SNRK: variants seen among roughly 807,000 people sequenced by gnomAD.
SNRK encodes the protein SNF-related serine/threonine-protein kinase.
Under a neutral mutation model 48.2 loss-of-function variants are expected in SNRK, and 3 were observed. The observed-to-expected ratio is 0.06, with a 90% CI of 0.03 to 0.16. SNRK has a LOEUF of 0.16. SNRK is among the 10% of genes least tolerant of loss of function. SNRK has a pLI of 1.00. For missense variants in SNRK, 627 were observed against 976.0 expected (o/e 0.64, Z 4.76); for synonymous variants, 376 against 366.1 (o/e 1.03, Z -0.31).
chr3:43,317,168 T>C (rs558042610), intron 3 of SNRK, among the ~76,000 whole-genome samples: 102 of 152,320 alleles, frequency 6.7e-4, no homozygotes, highest in African/African-American at 8.9e-4. Context: ...GCAGAACTCA[T>C]ACGCTGAATC....
At chr3:43,302,521 A>G (rs1383684375) in intron 2 of SNRK, among the ~76,000 whole-genome samples, 1 of 152,144 alleles carries the variant, frequency 6.6e-6, no homozygotes, top group East Asian at 1.9e-4. Context: ...GAGATGGTGT[A>G]CCCAAATACC....
intron 3 of SNRK, among the ~76,000 whole-genome samples, chr3:43,304,657 A>G (rs1053056447): frequency 3.9e-5 from 6 of 152,162 alleles, no homozygotes; most frequent in Admixed American, 6.5e-5. Context: ...TAATTTGTTA[A>G]TCTTGGAAAA....
chr3:43,316,107 T>G (rs1250571404), intron 3 of SNRK, among the ~76,000 whole-genome samples: 2 of 152,104 alleles, frequency 1.3e-5, no homozygotes, highest in African/African-American at 4.8e-5. Flanking sequence ...TATAGGTGGG[T>G]TTTTCAGTCA....
chr3:43,341,846 A>G (rs1249068134), intron 5 of SNRK, among the ~76,000 whole-genome samples: 2 of 152,230 alleles, frequency 1.3e-5, no homozygotes, highest in African/African-American at 2.4e-5. Flanking sequence ...AGTGTTTTAC[A>G]TTACTGGAAA....
At chr3:43,346,614 G>T (rs190089509) in intron 6 of SNRK, among the ~76,000 whole-genome samples, 1 of 152,148 alleles carries the variant, frequency 6.6e-6, no homozygotes, top group Non-Finnish European at 1.5e-5. Context: ...GGTGGTGTGC[G>T]CCTATAGTCC....
Position 43,347,980 on chromosome 3 carries a change from C to T in SNRK, c.1721C>T (p.Pro574Leu). 1 of 1,613,950 alleles carries T rather than the reference C, an allele frequency of 6.2e-7. No individual in the cohort carries two copies. Among genetic ancestry groups the T allele is most frequent in the Non-Finnish European group, 8.5e-7 (1 of 1,179,966 alleles). ...CGACGGGATAGCAGCGAGGGGCCCC[C>T]TGGCAGTGAGGGGGATGGCGGGGGC... ...WHRRDSSEGP[P>L]GSEGDGGGQS... is the part of the protein sequence containing the mutation. The change falls in exon 7 of 7, where the codon CCT becomes CTT. Residue 574 changes from proline to leucine, a missense_variant. Pro to Leu is a moderately conservative substitution (Grantham distance 98). Transcript: ENST00000296088. The surrounding 1 kb of genome is among the most constrained non-coding windows in gnomAD (Gnocchi z 5.4).
chr3:43,301,506 C>CTTT (rs1388888094), intron 2 of SNRK, among the ~76,000 whole-genome samples: 1 of 152,126 alleles, frequency 6.6e-6, no homozygotes, highest in East Asian at 1.9e-4. Flanking sequence ...TGGCTCCAGC[C>CTTT]TGTAATCCTT....
intron 4 of SNRK, among the ~76,000 whole-genome samples, chr3:43,339,268 C>A (rs1228149157): frequency 6.6e-6 from 1 of 152,114 alleles, no homozygotes; most frequent in Non-Finnish European, 1.5e-5. Context: ...TCTCATTTTT[C>A]ATTTATCCTT....
At chr3:43,298,484 G>A (rs2090873879) in intron 1 of SNRK, among the ~76,000 whole-genome samples, 1 of 152,154 alleles carries the variant, frequency 6.6e-6, no homozygotes, top group Admixed American at 6.5e-5. Context: ...GTGTGCTGCA[G>A]AACTGTTGCT....
intron 3 of SNRK, among the ~76,000 whole-genome samples, chr3:43,330,114 C>T (rs1377541909): frequency 6.6e-6 from 1 of 152,102 alleles, no homozygotes; most frequent in East Asian, 1.9e-4. Context: ...ATTTCAAATA[C>T]ATATGTATTA....
chr3:43,348,307 C>A lies in SNRK; in HGVS notation c.2048C>A (p.Ser683Tyr), dbSNP rs771136594. The change falls in exon 7 of 7, where the codon TCT becomes TAT. Residue 683 changes from serine (S) to tyrosine (Y), a missense_variant. Ser to Tyr is a moderately radical substitution (Grantham distance 144). This residue lies in a region of SNRK where 207 missense variants were observed against 234.3 expected (regional missense o/e 0.88). Transcript: ENST00000296088. ...SFSSVKVQEK[S>Y]TWKMCISSTG... ...TCCAGTGTGAAAGTCCAAGAGAAATCTACGTGGAAAATGTGCATTAGCTCC... is the reference window on the plus strand; with the variant it reads ...TCCAGTGTGAAAGTCCAAGAGAAATATACGTGGAAAATGTGCATTAGCTCC... 1 of 1,613,598 alleles carries A rather than the reference C, an allele frequency of 6.2e-7. No homozygotes were observed. The highest frequency in any genetic ancestry group is 8.5e-7 in the Non-Finnish European group (1 of 1,179,796).
At chr3:43,324,235 C>T (rs893239349) in intron 3 of SNRK, among the ~76,000 whole-genome samples, 3 of 152,108 alleles carry the variant, frequency 2.0e-5, no homozygotes, top group Non-Finnish European at 2.9e-5. Flanking sequence ...TTAGGCCGGG[C>T]GTGGTGGCTC....
intron 3 of SNRK, among the ~76,000 whole-genome samples, chr3:43,323,791 AT>A (rs1471352870): frequency 6.6e-6 from 1 of 152,180 alleles, no homozygotes; most frequent in African/African-American, 2.4e-5. Context: ...GTGAATCTCA[AT>A]GCATTATTGA....
At chr3:43,320,806 G>A (rs1021017829) in intron 3 of SNRK, among the ~76,000 whole-genome samples, 3 of 151,976 alleles carry the variant, frequency 2.0e-5, no homozygotes, top group Admixed American at 6.6e-5. Context: ...AACTCCTGAG[G>A]TCACACTTTT....
chr3:43,298,831 T>C (rs1044548692), intron 1 of SNRK, among the ~76,000 whole-genome samples: 1 of 152,240 alleles, frequency 6.6e-6, no homozygotes, highest in African/African-American at 2.4e-5. Flanking sequence ...TGGTGATAGT[T>C]TCTTTGTTAC....
intron 3 of SNRK, among the ~76,000 whole-genome samples, chr3:43,305,083 T>A (rs756569634): frequency 2.6e-5 from 4 of 152,160 alleles, no homozygotes; most frequent in African/African-American, 4.8e-5. Flanking sequence ...ACTCTTTAAA[T>A]CTATTAAAAA....
intron 1 of SNRK, among the ~76,000 whole-genome samples, chr3:43,288,524 A>G (rs958345074): frequency 6.6e-6 from 1 of 152,246 alleles, no homozygotes; most frequent in Non-Finnish European, 1.5e-5. Flanking sequence ...TACTGGTCAC[A>G]GGAAATACTG....
intron 3 of SNRK, among the ~76,000 whole-genome samples, chr3:43,317,131 A>G: frequency 6.6e-6 from 1 of 152,348 alleles, no homozygotes; most frequent in South Asian, 2.1e-4. Flanking sequence ...ACAAAAACCA[A>G]AAGTTAATAT....
chr3:43,305,151 T>G (rs547791998), intron 3 of SNRK, among the ~76,000 whole-genome samples: 1 of 152,298 alleles, frequency 6.6e-6, no homozygotes, highest in South Asian at 2.1e-4. Context: ...CAAAACTAAG[T>G]GTTGGTAAGA....
Sources: gnomAD v4.1 joint callset for allele counts (sites outside exome capture counted in the v4.1 genomes callset) on GRCh38, gnomAD v4.1.1 for gene constraint, gnomAD v4.1.1 regional missense constraint, Gnocchi (gnomAD v3.1) non-coding constraint, MANE v1.5 for transcripts, NCBI Gene and HGNC (gene_info 2026-07-23, HGNC 2026-07-21) for gene names.